The following DCDC1 variants were observed in gnomAD, a reference collection of about 807,000 sequenced individuals.
DCDC1 encodes the protein doublecortin domain-containing protein 1.
In DCDC1, 200 loss-of-function variants were observed where a neutral mutation model predicts 178.3. That is an observed-to-expected ratio of 1.12 (90% confidence interval 1.00 to 1.26). The LOEUF is 1.26. Among genes scored for constraint, DCDC1 ranks in the 50% most tolerant of loss-of-function variants. The pLI, the probability that DCDC1 is intolerant of heterozygous loss-of-function variation, is 0.00. For missense variants in DCDC1, 1,983 were observed against 1,749.2 expected (o/e 1.13, Z -2.38); for synonymous variants, 690 against 604.8 (o/e 1.14, Z -2.07).
intron 17 of DCDC1, among the ~76,000 whole-genome samples, chr11:31,087,161 G>A (rs900215992): frequency 1.4e-4 from 21 of 152,040 alleles, no homozygotes; most frequent in Non-Finnish European, 2.1e-4. Context: ...CAAATTTACT[G>A]GCACATGGTT....
intron 20 of DCDC1, among the ~76,000 whole-genome samples, chr11:31,058,060 T>C (rs1467841629): frequency 6.6e-6 from 1 of 152,082 alleles, no homozygotes; most frequent in East Asian, 1.9e-4. Context: ...AAATAGTGTT[T>C]AGAACATAGA....
chr11:31,171,735 C>T (rs942731982), intron 9 of DCDC1, among the ~76,000 whole-genome samples: 14 of 152,204 alleles, frequency 9.2e-5, no homozygotes, highest in African/African-American at 3.1e-4. Flanking sequence ...AATTTTACAA[C>T]ATCTGGAATG....
intron 9 of DCDC1, among the ~76,000 whole-genome samples, chr11:31,152,841 C>T (rs1040012590): frequency 6.6e-6 from 1 of 152,142 alleles, no homozygotes; most frequent in South Asian, 2.1e-4. Context: ...TCCTGACTAA[C>T]CACAGAACGG....
intron 8 of DCDC1, among the ~76,000 whole-genome samples, chr11:31,251,603 G>C (rs559984082): frequency 6.6e-6 from 1 of 152,150 alleles, no homozygotes; most frequent in East Asian, 1.9e-4. Flanking sequence ...AATTAAGAGA[G>C]AGACAGAGAA....
chr11:31,185,281 G>A (rs1250430403), intron 9 of DCDC1, among the ~76,000 whole-genome samples: 2 of 152,158 alleles, frequency 1.3e-5, no homozygotes, highest in Admixed American at 6.5e-5. Context: ...CTAAGGGAGG[G>A]ACAGCATTAG....
intron 9 of DCDC1, among the ~76,000 whole-genome samples, chr11:31,149,364 G>A (rs953789508): frequency 3.3e-5 from 5 of 151,994 alleles, no homozygotes; most frequent in South Asian, 2.1e-4. Flanking sequence ...GCTTGTAAAC[G>A]CACCAATCAG....
intron 1 of DCDC1, among the ~76,000 whole-genome samples, chr11:31,362,306 T>G (rs1177283302): frequency 6.6e-6 from 1 of 152,196 alleles, no homozygotes; most frequent in Admixed American, 6.5e-5. Flanking sequence ...AGAGGAATAT[T>G]CATAGAGACT....
At chr11:30,979,522 T>C (rs1950278294) in intron 20 of DCDC1, among the ~76,000 whole-genome samples, 1 of 152,022 alleles carries the variant, frequency 6.6e-6, no homozygotes, top group East Asian at 1.9e-4. Context: ...TGACCAAGGG[T>C]GAGTAGGGAA....
chr11:31,130,188 AC>A (rs1232769234), intron 10 of DCDC1, among the ~76,000 whole-genome samples: 1 of 152,062 alleles, frequency 6.6e-6, no homozygotes, highest in Admixed American at 6.6e-5. Context: ...CTCATCAGAA[AC>A]CCCACTTCCT....
At chr11:31,086,071 C>T (rs1454582812) in intron 17 of DCDC1, among the ~76,000 whole-genome samples, 2 of 152,004 alleles carry the variant, frequency 1.3e-5, no homozygotes, top group East Asian at 1.9e-4. Flanking sequence ...ATACATTCTT[C>T]GTATGAATGT....
At position 30,920,691 on chromosome 11, in the gene DCDC1, T is replaced by C. The variant is rs913207180; in HGVS notation, c.3293+85A>G. The stretch of plus-strand genomic sequence containing the variant: ...TTTCACAAACTTGGCATGAGCTCCC[T>C]GCATGGGCTCTGTGCTGTTATCGGG... On this transcript the variant is annotated intron_variant, in intron 25 of 38. Transcript: ENST00000684477. 5 of 1,506,548 alleles carry C rather than the reference T, an allele frequency of 3.3e-6. No homozygotes were observed. The African/African-American group carries it at 6.9e-5, about 21-fold the overall frequency. The allele number at this position is 1,506,548 out of a possible 1,614,324, so 93.3% of individuals were successfully genotyped here.
chr11:31,349,027 A>AT (rs146672032), intron 1 of DCDC1, among the ~76,000 whole-genome samples: 58,007 of 137,854 alleles, frequency 0.42, 11,466 homozygotes, highest in African/African-American at 0.51. Flanking sequence ...ATAATAGCTT[A>AT]TTTTTTTTTA....
intron 3 of DCDC1, among the ~76,000 whole-genome samples, chr11:31,319,375 G>A (rs1949243874): frequency 1.6e-5 from 1 of 64,358 alleles, no homozygotes; most frequent in Admixed American, 1.6e-4. Context: ...AGGATAGTTA[G>A]CTCCTCTTGT....
At chr11:30,950,074 T>C (rs971931879) in intron 21 of DCDC1, among the ~76,000 whole-genome samples, 1 of 152,144 alleles carries the variant, frequency 6.6e-6, no homozygotes, top group Non-Finnish European at 1.5e-5. Flanking sequence ...AACAGGTATA[T>C]GCAAAAATGC....
At chr11:30,965,487 A>G (rs1235301378) in intron 20 of DCDC1, among the ~76,000 whole-genome samples, 1 of 152,034 alleles carries the variant, frequency 6.6e-6, no homozygotes, top group Non-Finnish European at 1.5e-5. Context: ...ACACCATCCC[A>G]GTCTGGACTT....
intron 7 of DCDC1, among the ~76,000 whole-genome samples, chr11:31,279,265 T>C (rs1159078641): frequency 2.6e-5 from 4 of 152,096 alleles, no homozygotes; most frequent in Non-Finnish European, 5.9e-5. Flanking sequence ...TGTGTGTGTA[T>C]ATCTCCTCTA....
intron 9 of DCDC1, among the ~76,000 whole-genome samples, chr11:31,165,182 ACCCATT>A (rs1279292750): frequency 6.6e-6 from 1 of 152,142 alleles, no homozygotes; most frequent in Admixed American, 6.5e-5. Context: ...TGTTTACCTA[ACCCATT>A]GATGACACAG....
chr11:31,217,350 T>C (rs991544886), intron 9 of DCDC1, among the ~76,000 whole-genome samples: 1 of 152,198 alleles, frequency 6.6e-6, no homozygotes, highest in Non-Finnish European at 1.5e-5. Context: ...TTAAGTCAAT[T>C]TTTTAAAAAA....
chr11:30,928,919 A>T (rs115782398), intron 22 of DCDC1, among the ~76,000 whole-genome samples: 3,114 of 151,998 alleles, frequency 0.02, 95 homozygotes, highest in African/African-American at 0.07. Context: ...TTAACCCCAA[A>T]TTTAAAATTT....
Sources: gnomAD v4.1 joint callset for allele counts (sites outside exome capture counted in the v4.1 genomes callset) on GRCh38, gnomAD v4.1.1 for gene constraint, MANE v1.5 for transcripts, NCBI Gene and HGNC (gene_info 2026-07-23, HGNC 2026-07-21) for gene names.